Variants in KLRG1 observed in about 807,000 individuals in gnomAD.
KLRG1 encodes killer cell lectin-like receptor subfamily G member 1.
A neutral mutation model predicts 21.8 loss-of-function variants in KLRG1; 16 were observed. The observed-to-expected ratio is 0.73, with a 90% CI of 0.50 to 1.11. The LOEUF (loss-of-function observed/expected upper bound fraction) is 1.11. KLRG1 is among the 50% of genes most tolerant of loss of function. The pLI, the probability that KLRG1 is intolerant of heterozygous loss-of-function variation, is 0.00. For synonymous variants in KLRG1, 69 were observed against 75.9 expected (o/e 0.91, Z 0.47); for missense variants, 173 against 218.3 (o/e 0.79, Z 1.31).
chr12:9,174,847 G>A, the KLRG1 span, among the ~76,000 whole-genome samples: 1 of 152,162 alleles, frequency 6.6e-6, no homozygotes, highest in East Asian at 1.9e-4. Flanking sequence ...CCATCCTCAC[G>A]CATAAGAAGA....
chr12:9,006,103 C>T (rs747414726), intron 3 of KLRG1, among the ~76,000 whole-genome samples: 1 of 152,218 alleles, frequency 6.6e-6, no homozygotes, highest in African/African-American at 2.4e-5. Context: ...ATGTTCCCAA[C>T]ACAAAGAAAT....
At chr12:8,991,552 A>T (rs189032575) in intron 1 of KLRG1, among the ~76,000 whole-genome samples, 2 of 152,154 alleles carry the variant, frequency 1.3e-5, no homozygotes, top group African/African-American at 4.8e-5. Flanking sequence ...GAGGCAAACA[A>T]TGTTATCAGA....
chr12:9,162,399 C>A, the KLRG1 span: 2 of 561,128 alleles, frequency 3.6e-6, no homozygotes, highest in African/African-American at 3.8e-5. Flanking sequence ...CCTGTCTGTA[C>A]CACCTGAGTC....
the KLRG1 span, among the ~76,000 whole-genome samples, chr12:9,145,539 C>A: frequency 1.9e-3 from 293 of 152,114 alleles, 1 homozygote; most frequent in African/African-American, 6.8e-3. Context: ...ATTTTTAATA[C>A]TTTTCTCTTT....
chr12:9,113,583 G>A, the KLRG1 span: 2 of 1,583,284 alleles, frequency 1.3e-6, no homozygotes, highest in Admixed American at 3.4e-5. Context: ...AGTGAAGGAA[G>A]AGAGGCATTG....
At chr12:9,114,403 GAT>G in the KLRG1 span, among the ~76,000 whole-genome samples, 4 of 152,042 alleles carry the variant, frequency 2.6e-5, no homozygotes, top group Non-Finnish European at 2.9e-5. Context: ...AATAGCAAAA[GAT>G]ATTATTTTTG....
chr12:8,999,416 A>T (rs920273898), intron 3 of KLRG1, among the ~76,000 whole-genome samples: 3 of 152,198 alleles, frequency 2.0e-5, no homozygotes, highest in African/African-American at 7.2e-5. Flanking sequence ...GAATTATATG[A>T]TCCAACTTTA....
the KLRG1 span, chr12:9,135,387 C>T: frequency 3.0e-6 from 1 of 332,460 alleles, no homozygotes. Flanking sequence ...GTTGGACTCA[C>T]GCTCACCTCA....
At chr12:9,168,837 G>T in the KLRG1 span, 5 of 1,505,432 alleles carry the variant, frequency 3.3e-6, no homozygotes, top group East Asian at 9.0e-5. Flanking sequence ...TGTTGGACAT[G>T]AAATAAAATT....
the KLRG1 span, among the ~76,000 whole-genome samples, chr12:9,187,446 A>C: frequency 6.6e-6 from 1 of 152,350 alleles, no homozygotes; most frequent in East Asian, 1.9e-4. Context: ...AACTATCCTC[A>C]GCAAATTTAG....
chr12:9,201,137 T>C, the KLRG1 span: 1 of 1,544,366 alleles, frequency 6.5e-7, no homozygotes, highest in African/African-American at 1.4e-5. Context: ...ATTTTGAAGG[T>C]GATAATTAGC....
the KLRG1 span, among the ~76,000 whole-genome samples, chr12:9,177,156 T>A: frequency 6.6e-6 from 1 of 152,186 alleles, no homozygotes; most frequent in Non-Finnish European, 1.5e-5. Context: ...GCCAATGGGA[T>A]ATTGTGGAAA....
chr12:9,157,888 T>C, the KLRG1 span: 1 of 1,471,826 alleles, frequency 6.8e-7, no homozygotes, highest in South Asian at 1.2e-5. Flanking sequence ...CAAGTGTTAG[T>C]ATATTCTCTT....
chr12:9,101,305 A>T, the KLRG1 span: 4 of 1,378,344 alleles, frequency 2.9e-6, no homozygotes, highest in East Asian at 1.0e-4. Flanking sequence ...TGCCGGCAAT[A>T]ATTCACCTCA....
chr12:9,162,036 A>T, the KLRG1 span, among the ~76,000 whole-genome samples: 5 of 152,032 alleles, frequency 3.3e-5, no homozygotes, highest in African/African-American at 1.2e-4. Flanking sequence ...ATTTCGGCTC[A>T]CTGCAACCTC....
the KLRG1 span, among the ~76,000 whole-genome samples, chr12:9,048,613 T>C: frequency 2.0e-5 from 3 of 152,194 alleles, no homozygotes; most frequent in Non-Finnish European, 4.4e-5. Flanking sequence ...AAAAAAACTT[T>C]TGGTCATATG....
chr12:9,129,280 A>G, the KLRG1 span, among the ~76,000 whole-genome samples: 1 of 152,174 alleles, frequency 6.6e-6, no homozygotes, highest in African/African-American at 2.4e-5. Flanking sequence ...TACATTTATT[A>G]TTTCATTCAA....
intron 4 of KLRG1, 54 bp from the exon 5 acceptor site, chr12:9,009,372 A>G (rs1947577237): frequency 1.9e-6 from 3 of 1,603,284 alleles, no homozygotes; most frequent in African/African-American, 1.3e-5. Context: ...ATGCCTTTCA[A>G]CTCCTTTTCT....
chr12:9,067,588 A>G, the KLRG1 span: 1 of 592,264 alleles, frequency 1.7e-6, no homozygotes, highest in Non-Finnish European at 3.1e-6. Context: ...TCACTGTATC[A>G]TTTTTTTGTA....
Sources: gnomAD v4.1 joint callset for allele counts (sites outside exome capture counted in the v4.1 genomes callset) on GRCh38, gnomAD v4.1.1 for gene constraint, MANE v1.5 for transcripts, NCBI Gene and HGNC (gene_info 2026-07-23, HGNC 2026-07-21) for gene names.